Variants in BAHCC1 observed in about 807,000 individuals in gnomAD.
BAHCC1 encodes BAH and coiled-coil domain-containing protein 1.
BAHCC1 carries 43 observed loss-of-function variants against 88.2 expected under a neutral mutation model. That is an observed-to-expected ratio of 0.49 (90% CI 0.38 to 0.63). The LOEUF (loss-of-function observed/expected upper bound fraction) is 0.63, where lower values mean the gene tolerates loss of function less well. Ranked by LOEUF, BAHCC1 falls within the 20% of genes least tolerant of loss-of-function variation. The pLI is 0.00. For missense variants in BAHCC1, 3,023 were observed against 1,654.8 expected, an observed-to-expected ratio of 1.83 and a Z score of -14.34; for synonymous variants, 1,510 against 745.5, an observed-to-expected ratio of 2.03 and a Z score of -16.71.
intron 1 of BAHCC1, among the ~76,000 whole-genome samples, chr17:81,398,194 A>C (rs2063765936): frequency 1.3e-5 from 2 of 152,202 alleles, no homozygotes; most frequent in African/African-American, 4.8e-5. Context: ...GAAGATGAGG[A>C]GTAATATGTG....
chr17:81,407,658 C>T (rs1289981700), intron 2 of BAHCC1, among the ~76,000 whole-genome samples: 1 of 152,224 alleles, frequency 6.6e-6, no homozygotes, highest in Non-Finnish European at 1.5e-5. Context: ...GCAGGGGTTT[C>T]CTGGCTCTGT....
intron 14 of BAHCC1, among the ~76,000 whole-genome samples, chr17:81,453,794 C>T (rs1463050305): frequency 1.3e-5 from 2 of 152,264 alleles, no homozygotes; most frequent in African/African-American, 2.4e-5. Context: ...GGTCAGGGCC[C>T]CACCTCACCC....
At chr17:81,410,159 C>G in intron 2 of BAHCC1, 1 of 249,088 alleles carries the variant, frequency 4.0e-6, no homozygotes, top group Non-Finnish European at 8.7e-6. Flanking sequence ...GTCCGTGTCA[C>G]CTGTGGGGGT....
chr17:81,406,143 C>T (rs1555646828), intron 2 of BAHCC1, among the ~76,000 whole-genome samples: 1 of 152,218 alleles, frequency 6.6e-6, no homozygotes, highest in African/African-American at 2.4e-5. Flanking sequence ...AAAAGAAGCC[C>T]TCCCTCAAGA....
chr17:81,422,158 C>T (rs1266045275), intron 2 of BAHCC1, among the ~76,000 whole-genome samples: 5 of 152,112 alleles, frequency 3.3e-5, no homozygotes, highest in African/African-American at 9.7e-5. Flanking sequence ...ATTACAGGTG[C>T]GCACCACCAT....
At chr17:81,430,146 G>A (rs1380529404) in intron 3 of BAHCC1, among the ~76,000 whole-genome samples, 1 of 152,064 alleles carries the variant, frequency 6.6e-6, no homozygotes, top group Non-Finnish European at 1.5e-5. Context: ...CTGGGTGGAT[G>A]AGGATGAGAG....
intron 2 of BAHCC1, among the ~76,000 whole-genome samples, chr17:81,415,992 G>A (rs528886324): frequency 8.6e-5 from 13 of 151,376 alleles, no homozygotes; most frequent in Non-Finnish European, 1.6e-4. Context: ...GTGTCCATGA[G>A]GATGGGTGTA....
intron 2 of BAHCC1, among the ~76,000 whole-genome samples, chr17:81,419,566 C>A (rs990661720): frequency 4.0e-5 from 6 of 149,918 alleles, no homozygotes; most frequent in African/African-American, 1.2e-4. Context: ...CTGTGGGGAG[C>A]GGGGAAGGTG....
At chr17:81,459,349 C>A (rs1393146071) in intron 22 of BAHCC1, 21 bp downstream of exon 22, 12 of 774,276 alleles carry the variant, frequency 1.5e-5, no homozygotes, top group East Asian at 4.9e-5. Flanking sequence ...GGCCGGCCCG[C>A]CCCGGGGAGG....
chr17:81,417,399 G>A (rs2064046659), intron 2 of BAHCC1, among the ~76,000 whole-genome samples: 1 of 152,144 alleles, frequency 6.6e-6, no homozygotes, highest in Non-Finnish European at 1.5e-5. Context: ...AGGAGAGCGG[G>A]TGAGAGACAT....
intron 17 of BAHCC1, 54 bp from the exon 18 acceptor site, chr17:81,458,111 C>A: frequency 1.4e-6 from 1 of 709,906 alleles, no homozygotes; most frequent in Admixed American, 2.0e-5. Context: ...TCAGCCCAAC[C>A]AGCCGGGTCT....
chr17:81,437,608 G>A (rs1291453472), intron 3 of BAHCC1, among the ~76,000 whole-genome samples: 3 of 152,322 alleles, frequency 2.0e-5, no homozygotes, highest in Admixed American at 6.5e-5. Flanking sequence ...AGGGCCAGCC[G>A]CGTGGGTGGC....
At chr17:81,404,793 G>T (rs67602958) in intron 2 of BAHCC1, among the ~76,000 whole-genome samples, 33 of 152,090 alleles carry the variant, frequency 2.2e-4, no homozygotes, top group East Asian at 7.7e-4. Context: ...AGGCTGAGGC[G>T]TGGCAGGTAG....
chr17:81,458,403 G>T lies in BAHCC1; in HGVS notation c.5280G>T (p.Gln1760His). The T allele has an allele frequency of 1.3e-6, 1 of 743,322 alleles. No individual in the cohort carries two copies. The allele number at this position is 743,322 out of a possible 1,614,324, so 46.0% of individuals were successfully genotyped here. Reference protein sequence around the residue: ...RAFACREEGSQLASERLKRAT... With the variant: ...RAFACREEGSHLASERLKRAT... ...TCGCCTGCCGTGAGGAGGGCAGCCA[G>T]CTGGCCAGTGAGCGCCTCAAGAGGG... is the stretch of plus-strand genomic sequence containing the variant. The change falls in exon 18 of 28, where the codon CAG becomes CAT. Residue 1760 changes from glutamine to histidine, a missense_variant. Coordinates refer to ENST00000675386, the MANE Select transcript of BAHCC1 (RefSeq NM_001377448.1).
At chr17:81,404,148 G>A (rs959734456) in intron 2 of BAHCC1, among the ~76,000 whole-genome samples, 1 of 152,296 alleles carries the variant, frequency 6.6e-6, no homozygotes, top group South Asian at 2.1e-4. Flanking sequence ...AAATGCATAG[G>A]AGGCTGTTAG....
At chr17:81,403,164 G>A (rs375217317) in intron 2 of BAHCC1, among the ~76,000 whole-genome samples, 4 of 152,296 alleles carry the variant, frequency 2.6e-5, no homozygotes, top group East Asian at 1.9e-4. Context: ...AGGCAGCCCC[G>A]GCCTGGGGAG....
intron 2 of BAHCC1, among the ~76,000 whole-genome samples, chr17:81,408,383 C>A (rs894367549): frequency 2.0e-4 from 30 of 152,038 alleles, no homozygotes; most frequent in East Asian, 5.8e-4. Flanking sequence ...ACCCCAGGCC[C>A]CACCTGCCTC....
rs782345650 is a variant in BAHCC1, at chr17:81,460,962, C to A, written c.6299C>A (p.Ala2100Glu). The A allele has an allele frequency of 3.9e-6, 3 of 772,452 alleles. No individual in the cohort carries two copies. Among genetic ancestry groups the A allele is most frequent in the South Asian group, 2.7e-5 (2 of 74,588 alleles). The allele number at this position is 772,452 out of a possible 1,614,324, so 47.8% of individuals were successfully genotyped here. The change falls in exon 26 of 28, where the codon GCG becomes GAG. Residue 2100 changes from alanine to glutamate, a missense_variant. Ala to Glu is a moderately radical substitution (Grantham distance 107, BLOSUM62 -1). Transcript: ENST00000675386. Reference sequence around the variant, plus strand: ...GGCAGCCCCTTGCTGAGCTGGTCCGCGGTGGCGCAGACCAAGCGGAAGGCG... The same window carrying A: ...GGCAGCCCCTTGCTGAGCTGGTCCGAGGTGGCGCAGACCAAGCGGAAGGCG... Reference protein sequence around the residue: ...RRGSPLLSWSAVAQTKRKAVA... With the variant: ...RRGSPLLSWSEVAQTKRKAVA...
chr17:81,460,784 G>T, intron 25 of BAHCC1, 78 bp downstream of exon 25: 2 of 773,416 alleles, frequency 2.6e-6, no homozygotes, highest in South Asian at 2.7e-5. Context: ...GGCCCGTGGG[G>T]TAGGCAGGGT....
Sources: gnomAD v4.1 joint callset for allele counts (sites outside exome capture counted in the v4.1 genomes callset) on GRCh38, gnomAD v4.1.1 for gene constraint, MANE v1.5 for transcripts, NCBI Gene and HGNC (gene_info 2026-07-23, HGNC 2026-07-21) for gene names.